Variants in CSPG4 observed in about 807,000 individuals in gnomAD.
CSPG4 encodes the protein chondroitin sulfate proteoglycan 4 (melanoma-associated).
In CSPG4, 74 loss-of-function variants were observed where a neutral mutation model predicts 139.3. That is an observed-to-expected ratio of 0.53 (90% CI 0.44 to 0.64). The LOEUF (loss-of-function observed/expected upper bound fraction) is 0.64. Ranked by LOEUF, CSPG4 falls within the 30% of genes least tolerant of loss-of-function variation. The probability of loss-of-function intolerance (pLI) is 0.00; values close to 1 mark genes in which losing one functional copy is unlikely to be tolerated. For synonymous variants in CSPG4, 1,234 were observed against 1,394.2 expected (o/e 0.89, Z 2.56); for missense variants, 2,565 against 3,148.3 (o/e 0.81, Z 4.43).
At chr15:75,702,601 C>T (rs148769179) in intron 1 of CSPG4, among the ~76,000 whole-genome samples, 39 of 152,310 alleles carry the variant, frequency 2.6e-4, no homozygotes, top group Non-Finnish European at 4.9e-4. Context: ...CCCTCCCCAC[C>T]TTGTCTTACC....
In CSPG4 at chr15:75,687,676, G is replaced by A. The variant is rs771268582; in HGVS notation, c.3389C>T (p.Ala1130Val). 2 of 1,612,888 alleles carry A rather than the reference G, an allele frequency of 1.2e-6. No homozygotes were observed. The highest frequency in any genetic ancestry group is 1.7e-6 in the Non-Finnish European group (2 of 1,179,976). Reference protein sequence around the residue: ...VQASEPYLRVANGSSLVVPQG... With the variant: ...VQASEPYLRVVNGSSLVVPQG... ...AGGGACCACAAGGCTGGAGCCGTTG[G>A]CCACACGGAGGTAGGGTTCCGAGGC... Residue 1130 changes from alanine (A) to valine (V), a missense_variant, in exon 3 of 10, where the codon GCC (alanine) becomes GTC (valine). Transcript: ENST00000308508. This position sits in a 1 kb window ranked among gnomAD's most constrained non-coding sequence, Gnocchi z 5.4.
intron 2 of CSPG4, 61 bp from the exon 3 acceptor site, chr15:75,690,873 T>C (rs1426115577): frequency 6.5e-7 from 1 of 1,529,508 alleles, no homozygotes; most frequent in South Asian, 1.3e-5. Context: ...ATTTCCCTTA[T>C]AAAAGCATAG....
rs764703534 is a variant in CSPG4 at position 75,687,697 on chromosome 15, G to A, written c.3368C>T (p.Ser1123Leu). ...QATALLEVQA[S>L]EPYLRVANGS... The stretch of plus-strand genomic sequence containing the variant: ...GTTGGCCACACGGAGGTAGGGTTCC[G>A]AGGCCTGCACCTCCAGCAGCGCAGT... Residue 1123 changes from serine (S) to leucine (L), a missense_variant, in exon 3 of 10, where the codon TCG (serine) becomes TTG (leucine). Around this residue, in one of 5 missense-constraint regions of CSPG4, gnomAD observed 2,316 missense variants for 2,818.2 expected, o/e 0.82. Transcript: ENST00000308508. The surrounding 1 kb of genome is among the most constrained non-coding windows in gnomAD (Gnocchi z 5.4). 23 of 1,612,906 alleles carry A rather than the reference G, an allele frequency of 1.4e-5. No individual in the cohort carries two copies. In the East Asian group the frequency reaches 4.0e-4, roughly 28 times the overall value.
chr15:75,702,378 C>G (rs1409627561), intron 1 of CSPG4, among the ~76,000 whole-genome samples: 1 of 152,262 alleles, frequency 6.6e-6, no homozygotes, highest in Non-Finnish European at 1.5e-5. Flanking sequence ...GGAAAAAAGC[C>G]CAAAGCACCT....
chr15:75,700,159 C>T (rs1894282311), intron 1 of CSPG4, among the ~76,000 whole-genome samples: 1 of 152,172 alleles, frequency 6.6e-6, no homozygotes, highest in African/African-American at 2.4e-5. Context: ...GTGGGTGTGG[C>T]TCCAGAGCTA....
chr15:75,698,276 C>T lies in CSPG4; in HGVS notation c.89-5043G>A, dbSNP rs1367269995. On this transcript the variant is annotated intron_variant, in intron 1 of 9. Coordinates refer to ENST00000308508, the MANE Select transcript of CSPG4 (RefSeq NM_001897.5). The surrounding 1 kb of genome is among the most constrained non-coding windows in gnomAD (Gnocchi z 4.3). ...TGGGGTATTCTGGGAGGGCCAAGGC[C>T]GGGATGAAGGGCTCTCTGTCTCCCC... Among the ~76,000 whole-genome samples the T allele has an allele frequency of 2.3e-5, 3 of 131,886 alleles. No homozygotes were observed. Among genetic ancestry groups the T allele is most frequent in the Admixed American group, 7.9e-5 (1 of 12,608 alleles). The allele number at this position is 131,886 out of a possible 152,430, so 86.5% of individuals were successfully genotyped here.
chr15:75,686,337 A>C (rs1318258741), intron 3 of CSPG4, among the ~76,000 whole-genome samples: 1 of 152,186 alleles, frequency 6.6e-6, no homozygotes, highest in Non-Finnish European at 1.5e-5. Context: ...GTTTGCAGGC[A>C]GCACCTCCCC....
chr15:75,688,397 GGA>G lies in CSPG4; in HGVS notation c.2666_2667del (p.Phe889SerfsTer7). The G allele has an allele frequency of 6.2e-7, 1 of 1,613,364 alleles. No homozygotes were observed. Among genetic ancestry groups the G allele is most frequent in the Non-Finnish European group, 8.5e-7 (1 of 1,180,046 alleles). On this transcript the variant is annotated frameshift_variant, in exon 3 of 10. Coordinates refer to ENST00000308508, the MANE Select transcript of CSPG4 (RefSeq NM_001897.5). LOFTEE classifies it high-confidence loss of function. ...APPYFSPLYT[F>X]PIHIGGDPDA... ...TCTGGGTCACCACCAATGTGGATGG[GGA>G]AGGTATAGAGTGGGGAGAAATATGG...
At position 75,698,430 on chromosome 15, in the gene CSPG4, CCCTCTAGA is replaced by C; in HGVS notation, c.89-5205_89-5198del. Reference sequence around the variant, plus strand: ...GCGGACCCTCCCTGAGGTCACCTGGCCCTCTAGACCTCAGGTCAGTTCCCCTCCCCTCC... The same window carrying C: ...GCGGACCCTCCCTGAGGTCACCTGGCCCTCAGGTCAGTTCCCCTCCCCTCC... On this transcript the variant is annotated intron_variant, in intron 1 of 9. Transcript: ENST00000308508. This position sits in a 1 kb window ranked among gnomAD's most constrained non-coding sequence, Gnocchi z 4.3. Among the ~76,000 whole-genome samples, 1 of 152,028 alleles carries C rather than the reference CCCTCTAGA, an allele frequency of 6.6e-6. No homozygotes were observed. The highest frequency in any genetic ancestry group is 2.1e-4 in the South Asian group (1 of 4,812).
rs1458213323 is a variant in CSPG4, at chr15:75,682,283, G to A, written c.4950+10C>T. The stretch of plus-strand genomic sequence containing the variant: ...GCATCTGAGTGGTGGCTGCAAAGTT[G>A]GGCCCTTACCTCTGCCTGAGTGAAG... On this transcript the variant is annotated intron_variant, in intron 8 of 9. Transcript: ENST00000308508. 6.3e-7 allele frequency: 1 copy of A among 1,596,450 alleles called. No homozygotes were observed. The highest frequency in any genetic ancestry group is 8.5e-7 in the Non-Finnish European group (1 of 1,179,868).
rs113509521 is a variant in CSPG4 at position 75,685,215 on chromosome 15, A to G, written c.4272+4T>C. On this transcript the variant is annotated splice_donor_region_variant and intron_variant, in intron 4 of 9. Coordinates refer to ENST00000308508, the MANE Select transcript of CSPG4 (RefSeq NM_001897.5). ...CAGCCCCTGGGCCTCTCTCACAGCC[A>G]TACCATTCTCCAGGAGAAGGCGCTG... The G allele has an allele frequency of 1.1e-3, 1,689 of 1,516,590 alleles. 19 individuals carry two copies. In the African/African-American group the frequency reaches 0.022, roughly 19 times the overall value. The allele number at this position is 1,516,590 out of a possible 1,614,324, so 93.9% of individuals were successfully genotyped here.
Position 75,688,317 on chromosome 15 carries a change from G to A in CSPG4, c.2748C>T (p.Val916=), listed in dbSNP as rs200390337. 5 of 1,613,228 alleles carry A rather than the reference G, an allele frequency of 3.1e-6. No homozygotes were observed. Among genetic ancestry groups the A allele is most frequent in the South Asian group, 1.1e-5 (1 of 91,086 alleles). The change falls in exon 3 of 10, where the codon GTC becomes GTT. Residue 916 remains valine (V), a synonymous_variant. Transcript: ENST00000308508. Reference sequence around the variant, plus strand: ...TGACAAAGAGGTGGTCAGCAGAGAGGACACCCTCACCACCCTCAGGCACCA... The same window carrying A: ...TGACAAAGAGGTGGTCAGCAGAGAGAACACCCTCACCACCCTCAGGCACCA... ...LLVVPEGGEG[V]LSADHLFVKS...
In CSPG4 at chr15:75,689,906, A is replaced by C; in HGVS notation, c.1159T>G (p.Tyr387Asp). The change falls in exon 3 of 10, where the codon TAT (tyrosine) becomes GAT (aspartate). Residue 387 changes from tyrosine to aspartate, a missense_variant. By Grantham distance (160) the Tyr-to-Asp change is radical (BLOSUM62 -3). This residue lies in a region of CSPG4 where 2,316 missense variants were observed against 2,818.2 expected (regional missense o/e 0.82). Coordinates refer to ENST00000308508, the MANE Select transcript of CSPG4 (RefSeq NM_001897.5). ...AAGCRLEEEEYEDDAYGHYEA... is the reference protein window; with the variant it reads ...AAGCRLEEEEDEDDAYGHYEA... ...TAATGTCCATAGGCATCGTCCTCAT[A>C]CTCCTCCTCCTCCAGCCTGCAGCCG... The C allele has an allele frequency of 6.2e-7, 1 of 1,610,888 alleles. No homozygotes were observed. The highest frequency in any genetic ancestry group is 8.5e-7 in the Non-Finnish European group (1 of 1,178,900).
At chr15:75,707,886 C>G (rs1894394802) in intron 1 of CSPG4, among the ~76,000 whole-genome samples, 3 of 152,110 alleles carry the variant, frequency 2.0e-5, no homozygotes, top group Non-Finnish European at 4.4e-5. Flanking sequence ...GACCCCTGAG[C>G]AAAGCAGGTG....
upstream of CSPG4, among the ~76,000 whole-genome samples, chr15:75,713,372 G>A (rs1271315561): frequency 6.6e-6 from 1 of 152,212 alleles, no homozygotes; most frequent in African/African-American, 2.4e-5. Flanking sequence ...CTGCCTGGAA[G>A]GGCCTCACCT....
chr15:75,684,608 T>C (rs1441257068), intron 5 of CSPG4, 128 bp downstream of exon 5: 1 of 818,984 alleles, frequency 1.2e-6, no homozygotes, highest in Non-Finnish European at 1.9e-6. Flanking sequence ...GTGAGGCATG[T>C]GGCAGCGTCC....
intron 9 of CSPG4, 32 bp downstream of exon 9, chr15:75,677,671 C>A (rs754309346): frequency 6.4e-7 from 1 of 1,566,528 alleles, no homozygotes; most frequent in East Asian, 2.3e-5. Context: ...TTGTCCCTCC[C>A]CACAATCTTG....
In CSPG4 at chr15:75,685,433, A is replaced by G; in HGVS notation, c.4058T>C (p.Val1353Ala). The change falls in exon 4 of 10, where the codon GTG becomes GCG. Residue 1353 changes from valine (V) to alanine (A), a missense_variant. Coordinates refer to ENST00000308508, the MANE Select transcript of CSPG4 (RefSeq NM_001897.5). ...PLEGVLVELE[V>A]LPAAIPLEAQ... ...CTCTAGTGGGATGGCAGCGGGCAGC[A>G]CCTCCAGCTCCACAAGGACGCCCTC... 6.2e-7 allele frequency: 1 copy of G among 1,612,250 alleles called. No individual in the cohort carries two copies. The highest frequency in any genetic ancestry group is 8.5e-7 in the Non-Finnish European group (1 of 1,179,918).
Position 75,688,420 on chromosome 15 carries a change from T to TA in CSPG4, c.2644dup (p.Tyr882LeufsTer15), listed in dbSNP as rs781072918. The TA allele has an allele frequency of 6.2e-7, 1 of 1,613,044 alleles. No individual in the cohort carries two copies. Among genetic ancestry groups the TA allele is most frequent in the Non-Finnish European group, 8.5e-7 (1 of 1,179,974 alleles). On this transcript the variant is annotated frameshift_variant, in exon 3 of 10. Transcript: ENST00000308508. LOFTEE classifies it high-confidence loss of function. ...GGGGAAGGTATAGAGTGGGGAGAAA[T>TA]ATGGTGGAGCTGTGACACGGAAACG...
Sources: allele counts gnomAD v4.1 joint callset (sites outside exome capture counted in the v4.1 genomes callset), GRCh38; gene constraint gnomAD v4.1.1; regional missense constraint gnomAD v4.1.1; non-coding constraint Gnocchi (gnomAD v3.1); transcripts MANE v1.5; gene names NCBI Gene and HGNC (gene_info 2026-07-23, HGNC 2026-07-21).